The following GPCPD1 variants were observed in gnomAD, a reference collection of about 807,000 sequenced individuals.
GPCPD1 encodes glycerophosphocholine phosphodiesterase GPCPD1.
GPCPD1 carries 29 observed loss-of-function variants against 89.2 expected under a neutral mutation model. That is an observed-to-expected ratio of 0.33 (90% CI 0.24 to 0.44). The LOEUF is 0.44. GPCPD1 is among the 20% of genes least tolerant of loss of function. The pLI is 1.00. For missense variants in GPCPD1, 594 were observed against 808.9 expected, an observed-to-expected ratio of 0.73 and a Z score of 3.22; for synonymous variants, 258 against 266.3, an observed-to-expected ratio of 0.97 and a Z score of 0.30.
At chr20:5,603,746 CTTTTTT>C (rs1181802350) in intron 2 of GPCPD1, among the ~76,000 whole-genome samples, 1 of 135,404 alleles carries the variant, frequency 7.4e-6, no homozygotes, top group African/African-American at 2.8e-5. Context: ...CCAACTTATT[CTTTTTT>C]TTTTTTTTTT....
intron 13 of GPCPD1, 121 bp downstream of exon 13, chr20:5,567,362 C>A: frequency 8.3e-7 from 1 of 1,198,650 alleles, no homozygotes; most frequent in South Asian, 1.9e-5. Context: ...TACCAAAGCA[C>A]ATAGTCTACA....
rs531306295 is a variant in GPCPD1 at position 5,547,524 on chromosome 20, TGAAA to T, written c.*133_*136del. ...AATAGCATACTTGCAAGAACTGTAG[TGAAA>T]GAGTTAAATACTTCATTATTGCTTC... is the stretch of plus-strand genomic sequence containing the variant. On this transcript the variant is annotated 3_prime_UTR_variant, in exon 20 of 20. Transcript: ENST00000379019. 306 of 480,062 alleles carry T rather than the reference TGAAA, an allele frequency of 6.4e-4. 3 individuals carry two copies. Among genetic ancestry groups the T allele is most frequent in the African/African-American group, 5.4e-3 (276 of 51,298 alleles). 29.7% of individuals were successfully genotyped at this position (480,062 alleles called of 1,614,324 possible). A position where few individuals can be genotyped will look rare whatever the true frequency, so the allele number is the denominator to read the frequency against.
At chr20:5,583,496 C>T (rs555401524) in intron 6 of GPCPD1, among the ~76,000 whole-genome samples, 4 of 152,096 alleles carry the variant, frequency 2.6e-5, no homozygotes, top group Admixed American at 6.5e-5. Flanking sequence ...TGCAGTGAGC[C>T]GAGACTGCAC....
chr20:5,602,040 G>C (rs1451359052), intron 2 of GPCPD1, among the ~76,000 whole-genome samples: 2 of 152,184 alleles, frequency 1.3e-5, no homozygotes, highest in Admixed American at 6.5e-5. Context: ...TCTCCTGGTT[G>C]TACTTGTTTC....
chr20:5,576,097 G>GTA (rs151308594), intron 8 of GPCPD1, 119 bp from the exon 9 acceptor site: 2 of 418,550 alleles, frequency 4.8e-6, no homozygotes, highest in Non-Finnish European at 4.2e-6. Flanking sequence ...TATGAAATGT[G>GTA]TATATATATA....
chr20:5,564,339 AAC>A (rs1313862472), intron 15 of GPCPD1, among the ~76,000 whole-genome samples: 1 of 151,072 alleles, frequency 6.6e-6, no homozygotes, highest in Non-Finnish European at 1.5e-5. Flanking sequence ...AAAAAAAAAA[AAC>A]CAAAAACTGC....
At chr20:5,571,612 T>C (rs1043393485) in intron 11 of GPCPD1, among the ~76,000 whole-genome samples, 1 of 151,786 alleles carries the variant, frequency 6.6e-6, no homozygotes, top group Non-Finnish European at 1.5e-5. Context: ...AAAAAGCACA[T>C]ATCTAAAAAT....
At chr20:5,593,625 G>C (rs769922965) in intron 3 of GPCPD1, among the ~76,000 whole-genome samples, 4 of 152,220 alleles carry the variant, frequency 2.6e-5, no homozygotes, top group Admixed American at 6.5e-5. Flanking sequence ...TTCCTTTGCT[G>C]TGTGGGTAGA....
chr20:5,549,886 T>C (rs1030525501), intron 19 of GPCPD1, among the ~76,000 whole-genome samples: 1 of 150,400 alleles, frequency 6.6e-6, no homozygotes, highest in Admixed American at 6.6e-5. Flanking sequence ...AAAGACACAA[T>C]AGCAGACATG....
intron 4 of GPCPD1, among the ~76,000 whole-genome samples, chr20:5,588,643 GGT>G (rs1355451832): frequency 5.2e-5 from 7 of 133,378 alleles, no homozygotes; most frequent in African/African-American, 2.3e-4. Context: ...TGGCCAACAT[GGT>G]GAAACCCCAT....
At chr20:5,582,343 A>C (rs1011265966) in intron 6 of GPCPD1, among the ~76,000 whole-genome samples, 1 of 152,116 alleles carries the variant, frequency 6.6e-6, no homozygotes, top group African/African-American at 2.4e-5. Context: ...ATGTAATATA[A>C]ACAATCCCAA....
intron 19 of GPCPD1, among the ~76,000 whole-genome samples, chr20:5,554,255 A>C (rs1010597857): frequency 2.3e-5 from 2 of 87,280 alleles, no homozygotes; most frequent in Non-Finnish European, 4.7e-5. Flanking sequence ...GAGTGCTGGG[A>C]TTACAGGCGT....
chr20:5,581,063 G>A (rs1183141014), intron 6 of GPCPD1, among the ~76,000 whole-genome samples: 1 of 151,852 alleles, frequency 6.6e-6, no homozygotes, highest in East Asian at 1.9e-4. Flanking sequence ...GAGACAGGGT[G>A]TCACCATGCT....
chr20:5,598,871 G>GC, intron 2 of GPCPD1, 50 bp from the exon 3 acceptor site: 1 of 1,169,172 alleles, frequency 8.6e-7, no homozygotes, highest in South Asian at 1.2e-5. Flanking sequence ...ATCAGTCACA[G>GC]TGGGATAAGC....
intron 16 of GPCPD1, among the ~76,000 whole-genome samples, chr20:5,560,720 G>A (rs1206515327): frequency 2.6e-5 from 4 of 152,158 alleles, no homozygotes; most frequent in Non-Finnish European, 5.9e-5. Flanking sequence ...ACAGCATAAT[G>A]AGGGCAATTA....
intron 10 of GPCPD1, among the ~76,000 whole-genome samples, chr20:5,574,387 A>C (rs1978285112): frequency 6.6e-6 from 1 of 152,204 alleles, no homozygotes; most frequent in South Asian, 2.1e-4. Context: ...CACAGGATAG[A>C]AGTATGGAAA....
At position 5,570,274 on chromosome 20, in the gene GPCPD1, C is replaced by T. The variant is rs753568600; in HGVS notation, c.1057-35G>A. 4.7e-6 allele frequency: 5 copies of T among 1,069,752 alleles called. No individual in the cohort carries two copies. In the South Asian group the frequency reaches 5.2e-5, roughly 11 times the overall value. The allele number at this position is 1,069,752 out of a possible 1,614,324, so 66.3% of individuals were successfully genotyped here. A position where few individuals can be genotyped will look rare whatever the true frequency, so the allele number is the denominator to read the frequency against. On this transcript the variant is annotated intron_variant, in intron 11 of 19. Transcript: ENST00000379019. ...GGAAGCAAGTATTTGAAAAACATTG[C>T]CTGGTACACAGTACCTCTCAAACTG...
chr20:5,584,581 G>A lies in GPCPD1; in HGVS notation c.308-259C>T, dbSNP rs78536587. The A allele has an allele frequency of 3.3e-3, 807 of 241,772 alleles. 8 individuals carry two copies. The highest frequency in any genetic ancestry group is 0.018 in the African/African-American group (766 of 43,728). The allele number at this position is 241,772 out of a possible 1,614,324, so 15.0% of individuals were successfully genotyped here. A position where few individuals can be genotyped will look rare whatever the true frequency, so the allele number is the denominator to read the frequency against. ...GAAGAAAAAGAAAACTCTTCAGAAA[G>A]GTGCTCTAGAGGCACTGGGATTAAC... On this transcript the variant is annotated intron_variant, in intron 5 of 19. Coordinates refer to ENST00000379019, the MANE Select transcript of GPCPD1 (RefSeq NM_019593.5).
chr20:5,566,749 T>G lies in GPCPD1; in HGVS notation c.1251A>C (p.Lys417Asn). ...GGTACATACCTTTCCGATCCTTAGA[T>G]TTCAGTGCAGTCACATGAGTGAGCT... Reference protein sequence around the residue: ...LLKLTHVTALKSKDRKESVVQ... With the variant: ...LLKLTHVTALNSKDRKESVVQ... Residue 417 changes from lysine to asparagine, a missense_variant, in exon 14 of 20, where the codon AAA becomes AAC. Transcript: ENST00000379019. The G allele has an allele frequency of 6.3e-7, 1 of 1,585,400 alleles. No homozygotes were observed. The highest frequency in any genetic ancestry group is 8.7e-7 in the Non-Finnish European group (1 of 1,153,938).
Sources: allele counts gnomAD v4.1 joint callset (sites outside exome capture counted in the v4.1 genomes callset), GRCh38; gene constraint gnomAD v4.1.1; transcripts MANE v1.5; gene names NCBI Gene and HGNC (gene_info 2026-07-23, HGNC 2026-07-21).